The following SIGLEC1 variants were observed in gnomAD, a reference collection of about 807,000 sequenced individuals.
SIGLEC1 encodes sialic acid binding Ig like lectin 1.
Under a neutral mutation model 148.0 loss-of-function variants are expected in SIGLEC1, and 132 were observed. The ratio of observed to expected loss-of-function variants is 0.89; its 90% CI spans 0.77 to 1.03. The LOEUF (loss-of-function observed/expected upper bound fraction) is 1.03, where lower values mean the gene tolerates loss of function less well. SIGLEC1 is among the 50% of genes least tolerant of loss of function. SIGLEC1 has a pLI of 0.00. For synonymous variants in SIGLEC1, 945 were observed against 969.0 expected, an observed-to-expected ratio of 0.98 and a Z score of 0.46; for missense variants, 2,253 against 2,271.4, an observed-to-expected ratio of 0.99 and a Z score of 0.16.
intron 8 of SIGLEC1, 37 bp downstream of exon 8, chr20:3,699,165 T>A: frequency 6.3e-7 from 1 of 1,596,746 alleles, no homozygotes; most frequent in Non-Finnish European, 8.5e-7. Context: ...GGCTGGTGGG[T>A]CCCGGCAGGA....
Position 3,697,993 on chromosome 20 carries a change from C to A in SIGLEC1, c.1927G>T (p.Val643Leu). 1 of 1,611,350 alleles carries A rather than the reference C, an allele frequency of 6.2e-7. No individual in the cohort carries two copies. Among genetic ancestry groups the A allele is most frequent in the Non-Finnish European group, 8.5e-7 (1 of 1,179,038 alleles). ...RLQLLHKDRV[V>L]ATSLPSGGGC... is the part of the protein sequence containing the mutation. ...CCCCCTGATGGCAGGGAAGTGGCCA[C>A]AACACGGTCCTTGTGGAGCAGCTGC... The change falls in exon 9 of 22, where the codon GTG becomes TTG. Residue 643 changes from valine (V) to leucine (L), a missense_variant. Coordinates refer to ENST00000344754, the MANE Select transcript of SIGLEC1 (RefSeq NM_023068.4).
Position 3,690,126 on chromosome 20 carries a change from T to A in SIGLEC1, c.4730A>T (p.Gln1577Leu), listed in dbSNP as rs371324716. The A allele has an allele frequency of 2.1e-5, 34 of 1,608,582 alleles. No homozygotes were observed. In the Admixed American group the frequency reaches 2.9e-4, roughly 14 times the overall value. ...TGGCTCTGCAGGAGCACCCTGGGGC[T>A]GACTGGAGGCCACCAGTCGACTGCC... The part of the protein sequence containing the change: ...HLGSRLVASS[Q>L]PQGAPAEPHI... Residue 1577 changes from glutamine to leucine, a missense_variant, in exon 19 of 22, where the codon CAG becomes CTG. Transcript: ENST00000344754.
At chr20:3,704,139 G>A in intron 4 of SIGLEC1, 48 bp from the exon 5 acceptor site, 1 of 1,556,604 alleles carries the variant, frequency 6.4e-7, no homozygotes. Flanking sequence ...GGGGAGGGCA[G>A]AGGATGGCAC....
intron 15 of SIGLEC1, 37 bp from the exon 16 acceptor site, chr20:3,692,809 G>T: frequency 1.9e-6 from 3 of 1,600,790 alleles, no homozygotes; most frequent in South Asian, 1.1e-5. Context: ...GGGCCCAGCC[G>T]GACACCACAG....
At chr20:3,701,221 G>A (rs867428453) in intron 7 of SIGLEC1, 121 bp downstream of exon 7, 1 of 920,280 alleles carries the variant, frequency 1.1e-6, no homozygotes, top group Non-Finnish European at 1.6e-6. Flanking sequence ...TGTCTTTTAT[G>A]TGGCGTAGCC....
rs2087874123 is a variant in SIGLEC1 at position 3,704,016 on chromosome 20, G to A, written c.782C>T (p.Thr261Ile). ...AGGGTAGCTGCTGTTCACCTGGCAG[G>A]TGAGTGTGACCAGCTCACCTGGAAG... ...NILPGELVTL[T>I]CQVNSSYPAV... The change falls in exon 5 of 22, where the codon ACC becomes ATC. Residue 261 changes from threonine (T) to isoleucine (I), a missense_variant. Transcript: ENST00000344754. 1 of 1,613,564 alleles carries A rather than the reference G, an allele frequency of 6.2e-7. No individual in the cohort carries two copies. Among genetic ancestry groups the A allele is most frequent in the Non-Finnish European group, 8.5e-7 (1 of 1,179,720 alleles).
Position 3,692,554 on chromosome 20 carries a change from G to A in SIGLEC1, c.3997C>T (p.Arg1333Cys), listed in dbSNP as rs745782224. 30 of 1,605,968 alleles carry A rather than the reference G, an allele frequency of 1.9e-5. No individual in the cohort carries two copies. The highest frequency in any genetic ancestry group is 9.9e-5 in the South Asian group (9 of 90,508). Reference protein sequence around the residue: ...SCQAQDAQGTRSSRPAALQVL... With the variant: ...SCQAQDAQGTCSSRPAALQVL... ...TGCAGGGCAGCAGGACGGGAGCTGC[G>A]GGTGCCCTGGGCATCCTGGGCCTGG... The change falls in exon 16 of 22, where the codon CGC (arginine) becomes TGC (cysteine). Residue 1333 changes from arginine to cysteine, a missense_variant. Coordinates refer to ENST00000344754, the MANE Select transcript of SIGLEC1 (RefSeq NM_023068.4).
chr20:3,691,403 G>T lies in SIGLEC1; in HGVS notation c.4528C>A (p.His1510Asn), dbSNP rs151310049. 6.2e-7 allele frequency: 1 copy of T among 1,613,254 alleles called. No homozygotes were observed. The highest frequency in any genetic ancestry group is 8.5e-7 in the Non-Finnish European group (1 of 1,180,024). ...CCAGTGGGGAGCTCAGCCAGGCAGT[G>T]GTACATCCCAGCTTGAGCACGAGCC... ...HVARAQAGMY[H>N]CLAELPTGAA... Residue 1510 changes from histidine (H) to asparagine (N), a missense_variant, in exon 18 of 22, where the codon CAC becomes AAC. His to Asn is a moderately conservative substitution (Grantham distance 68, BLOSUM62 1). Coordinates refer to ENST00000344754, the MANE Select transcript of SIGLEC1 (RefSeq NM_023068.4).
intron 11 of SIGLEC1, among the ~76,000 whole-genome samples, chr20:3,696,295 T>C (rs1444144085): frequency 6.6e-6 from 1 of 152,192 alleles, no homozygotes; most frequent in Non-Finnish European, 1.5e-5. Context: ...TATGAGAATG[T>C]TTACTATGTA....
rs753045959 is a variant in SIGLEC1, at chr20:3,693,039, C to G, written c.3601G>C (p.Ala1201Pro). The change falls in exon 15 of 22, where the codon GCC (alanine) becomes CCC (proline). Residue 1201 changes from alanine (A) to proline (P), a missense_variant. Ala to Pro is a conservative substitution (Grantham distance 27, BLOSUM62 -1). Transcript: ENST00000344754. ...CCGGCGTGGCTGAGGGCCAGCTGGG[C>G]GGGCGGGCGGCTGTCCACAGTGCAC... is the stretch of plus-strand genomic sequence containing the variant. ...VLCTVDSRPP[A>P]QLALSHAGRL... is the part of the protein sequence containing the mutation. The G allele has an allele frequency of 6.2e-7, 1 of 1,609,334 alleles. No homozygotes were observed. Among genetic ancestry groups the G allele is most frequent in the Admixed American group, 1.7e-5 (1 of 59,920 alleles).
chr20:3,691,696 G>A (rs1362655540), intron 17 of SIGLEC1, 96 bp from the exon 18 acceptor site: 1 of 1,489,338 alleles, frequency 6.7e-7, no homozygotes, highest in African/African-American at 1.4e-5. Context: ...CACATTGTGG[G>A]AAGGTCTCAG....
Position 3,690,102 on chromosome 20 carries a change from G to T in SIGLEC1, c.4754C>A (p.Pro1585Gln). 1 of 1,611,330 alleles carries T rather than the reference G, an allele frequency of 6.2e-7. No homozygotes were observed. The highest frequency in any genetic ancestry group is 2.2e-5 in the East Asian group (1 of 44,780). The part of the protein sequence containing the change: ...SSQPQGAPAE[P>Q]HIHVLASPNA... ...GGGGGAAGCCAGGACATGGATGTGT[G>T]GCTCTGCAGGAGCACCCTGGGGCTG... Residue 1585 changes from proline (P) to glutamine (Q), a missense_variant, in exon 19 of 22, where the codon CCA becomes CAA. Pro to Gln is a moderately conservative substitution (Grantham distance 76, BLOSUM62 -1). Transcript: ENST00000344754.
At position 3,701,432 on chromosome 20, in the gene SIGLEC1, C is replaced by T; in HGVS notation, c.1438G>A (p.Asp480Asn). Reference protein sequence around the residue: ...GPNSLRLEIRDLEETDSGEYK... With the variant: ...GPNSLRLEIRNLEETDSGEYK... ...TCCCCACTGTCAGTTTCCTCCAGGT[C>T]TCGGATCTCCAGGCGCAGGGAGTTG... Residue 480 changes from aspartate to asparagine, a missense_variant, in exon 7 of 22, where the codon GAC (aspartate) becomes AAC (asparagine). Coordinates refer to ENST00000344754, the MANE Select transcript of SIGLEC1 (RefSeq NM_023068.4). 2 of 1,614,160 alleles carry T rather than the reference C, an allele frequency of 1.2e-6. No individual in the cohort carries two copies. The highest frequency in any genetic ancestry group is 1.7e-6 in the Non-Finnish European group (2 of 1,180,038).
Position 3,694,370 on chromosome 20 carries a change from C to A in SIGLEC1, c.3107G>T (p.Gly1036Val). ...STLQGVGGPEGSSPRLHVAVA... is the reference protein window; with the variant it reads ...STLQGVGGPEVSSPRLHVAVA... ...AGCCACATGCAGCCTGGGAGAGCTG[C>A]CTTCGGGTCCCCCCACACCTTGTAG... Residue 1036 changes from glycine (G) to valine (V), a missense_variant, in exon 13 of 22, where the codon GGC becomes GTC. Physicochemically the swap from Gly to Val is moderately radical, Grantham distance 109 (BLOSUM62 -3). Coordinates refer to ENST00000344754, the MANE Select transcript of SIGLEC1 (RefSeq NM_023068.4). The A allele has an allele frequency of 1.2e-6, 2 of 1,613,264 alleles. No individual in the cohort carries two copies. Among genetic ancestry groups the A allele is most frequent in the Non-Finnish European group, 1.7e-6 (2 of 1,179,922 alleles).
At chr20:3,711,407 T>C (rs1364126834) in intron 1 of SIGLEC1, among the ~76,000 whole-genome samples, 1 of 152,182 alleles carries the variant, frequency 6.6e-6, no homozygotes, top group Non-Finnish European at 1.5e-5. Flanking sequence ...CCCAAGTCCC[T>C]GACCTCTGAT....
intron 5 of SIGLEC1, 87 bp downstream of exon 5, chr20:3,703,738 C>T (rs2087870747): frequency 2.0e-6 from 3 of 1,533,110 alleles, no homozygotes; most frequent in South Asian, 2.4e-5. Flanking sequence ...CAGTTGCTGG[C>T]CCTGCCCTGC....
intron 21 of SIGLEC1, chr20:3,688,849 G>C (rs1214673056): frequency 6.7e-6 from 4 of 597,720 alleles, no homozygotes; most frequent in Non-Finnish European, 1.2e-5. Flanking sequence ...TGGGAGTGGG[G>C]AAGAGGCCTC....
rs150998642 is a variant in SIGLEC1, at chr20:3,706,434, C to A, written c.322G>T (p.Glu108Ter). Residue 108 changes from glutamate (E) to a stop codon, truncating the protein, a stop_gained, in exon 3 of 22, where the codon GAG becomes TAG. Coordinates refer to ENST00000344754, the MANE Select transcript of SIGLEC1 (RefSeq NM_023068.4). LOFTEE classifies it high-confidence loss of function. ...CNLLLKDLQP[E>*]DSGSYNFRFE... ...CGGAAGTTGTAGGAACCAGAGTCCT[C>A]GGGCTGCAGGTCCTTCAGCAGCAGG... is the stretch of plus-strand genomic sequence containing the variant. The A allele has an allele frequency of 5.0e-6, 8 of 1,614,162 alleles. No homozygotes were observed. Among genetic ancestry groups the A allele is most frequent in the Non-Finnish European group, 6.8e-6 (8 of 1,180,024 alleles).
rs1487996811 is a variant in SIGLEC1 at position 3,703,921 on chromosome 20, G to A, written c.877C>T (p.Pro293Ser). The change falls in exon 5 of 22, where the codon CCC becomes TCC. Residue 293 changes from proline (P) to serine (S), a missense_variant. Transcript: ENST00000344754. The stretch of plus-strand genomic sequence containing the variant: ...CCAGCATCGCTCCAGGCTGCCTGGG[G>A]CAGGTGCAGCACACCAGTCTTGGTT... ...LQTKTGVLHLPQAAWSDAGVY... is the reference protein window; with the variant it reads ...LQTKTGVLHLSQAAWSDAGVY... The A allele has an allele frequency of 1.2e-6, 2 of 1,613,998 alleles. No homozygotes were observed. The highest frequency in any genetic ancestry group is 2.2e-5 in the South Asian group (2 of 91,078).
Sources: allele counts gnomAD v4.1 joint callset (sites outside exome capture counted in the v4.1 genomes callset), GRCh38; gene constraint gnomAD v4.1.1; transcripts MANE v1.5; gene names NCBI Gene and HGNC (gene_info 2026-07-23, HGNC 2026-07-21).